BNC2: variants seen among roughly 807,000 people sequenced by gnomAD.
BNC2 encodes the protein basonuclin zinc finger protein 2, also known as zinc finger protein basonuclin-2.
Under a neutral mutation model 76.3 loss-of-function variants are expected in BNC2, and 20 were observed. The observed-to-expected ratio is 0.26, with a 90% CI of 0.18 to 0.38. BNC2 has a LOEUF of 0.38. Among genes scored for constraint, BNC2 ranks in the 10% least tolerant of loss-of-function variants. The pLI is 1.00. For missense variants in BNC2, 1,382 were observed against 1,399.8 expected (o/e 0.99, Z 0.20); for synonymous variants, 582 against 514.8 (o/e 1.13, Z -1.77).
chr9:16,636,154 G>A (rs1205610559), intron 3 of BNC2, among the ~76,000 whole-genome samples: 1 of 152,076 alleles, frequency 6.6e-6, no homozygotes, highest in Non-Finnish European at 1.5e-5. Context: ...GACACTCAAA[G>A]GCTAAAATGT....
intron 3 of BNC2, among the ~76,000 whole-genome samples, chr9:16,607,397 A>G (rs1012100484): frequency 2.0e-5 from 3 of 152,176 alleles, no homozygotes; most frequent in Admixed American, 1.3e-4. Context: ...GAAACACAGG[A>G]CCAAGTCCAC....
At chr9:16,452,242 A>C (rs1821357163) in intron 5 of BNC2, among the ~76,000 whole-genome samples, 2 of 152,146 alleles carry the variant, frequency 1.3e-5, no homozygotes, top group Admixed American at 1.3e-4. Context: ...TGCTTTTGGG[A>C]ATGAGATTAC....
intron 6 of BNC2, among the ~76,000 whole-genome samples, chr9:16,421,806 G>A (rs749920353): frequency 2.6e-5 from 4 of 152,168 alleles, no homozygotes; most frequent in South Asian, 2.1e-4. Context: ...TACGCTATGC[G>A]CTATTATTCT....
At chr9:16,439,813 G>A (rs977036563) in intron 5 of BNC2, among the ~76,000 whole-genome samples, 8 of 152,308 alleles carry the variant, frequency 5.3e-5, no homozygotes, top group South Asian at 2.1e-4. Flanking sequence ...GTGTGAGTAC[G>A]TGCATGTGGG....
At chr9:16,809,755 C>T (rs1009681276) in intron 1 of BNC2, among the ~76,000 whole-genome samples, 7 of 151,938 alleles carry the variant, frequency 4.6e-5, no homozygotes, top group African/African-American at 4.8e-5. Context: ...TCCAGCCTGG[C>T]GACAGTGCAA....
intron 1 of BNC2, among the ~76,000 whole-genome samples, chr9:16,847,342 T>C (rs1189374996): frequency 1.4e-5 from 2 of 145,636 alleles, no homozygotes; most frequent in East Asian, 4.1e-4. Context: ...CAAATTACCT[T>C]TTTTACACTT....
intron 5 of BNC2, among the ~76,000 whole-genome samples, chr9:16,535,582 GAACT>G (rs1818106611): frequency 6.6e-6 from 1 of 151,934 alleles, no homozygotes; most frequent in Non-Finnish European, 1.5e-5. Flanking sequence ...ATGTCTGCTT[GAACT>G]ACAGTGACAG....
At chr9:16,597,877 G>GGTT (rs1375504512) in intron 3 of BNC2, among the ~76,000 whole-genome samples, 2 of 151,958 alleles carry the variant, frequency 1.3e-5, no homozygotes, top group Admixed American at 1.3e-4. Context: ...TTCCGTGCCT[G>GGTT]GTTTTCGGGG....
At chr9:16,808,179 A>C (rs1422694124) in intron 1 of BNC2, among the ~76,000 whole-genome samples, 3 of 152,200 alleles carry the variant, frequency 2.0e-5, no homozygotes, top group Non-Finnish European at 4.4e-5. Context: ...TCAACCTTAA[A>C]ATTTTTTAAA....
intron 1 of BNC2, among the ~76,000 whole-genome samples, chr9:16,760,006 A>G (rs1434619953): frequency 1.3e-5 from 2 of 152,174 alleles, no homozygotes; most frequent in Non-Finnish European, 2.9e-5. Flanking sequence ...TACAGGCGTG[A>G]GCCACCGCGC....
At chr9:16,528,392 G>C (rs1236525317) in intron 5 of BNC2, among the ~76,000 whole-genome samples, 1 of 152,094 alleles carries the variant, frequency 6.6e-6, no homozygotes, top group Non-Finnish European at 1.5e-5. Context: ...TATTCTCATA[G>C]ATTTTCAACT....
At chr9:16,692,441 A>G (rs959989531) in intron 3 of BNC2, among the ~76,000 whole-genome samples, 3 of 152,256 alleles carry the variant, frequency 2.0e-5, no homozygotes, top group South Asian at 4.1e-4. Flanking sequence ...TGTTTCCTGC[A>G]CCTGTAAAAT....
At chr9:16,753,345 A>C (rs1201940369) in intron 1 of BNC2, among the ~76,000 whole-genome samples, 5 of 152,232 alleles carry the variant, frequency 3.3e-5, no homozygotes, top group Non-Finnish European at 7.3e-5. Context: ...TCATTATTAA[A>C]TAACTGTAAA....
At chr9:16,606,901 C>T (rs1042057394) in intron 3 of BNC2, among the ~76,000 whole-genome samples, 7 of 152,316 alleles carry the variant, frequency 4.6e-5, no homozygotes, top group East Asian at 3.9e-4. Context: ...TCTGCACAAG[C>T]TCCTTTGGCC....
chr9:16,615,107 T>C (rs1436102907), intron 3 of BNC2, among the ~76,000 whole-genome samples: 1 of 152,022 alleles, frequency 6.6e-6, no homozygotes, highest in African/African-American at 2.4e-5. Flanking sequence ...GGAACACTGC[T>C]TGCAAGAGTG....
Position 16,419,148 on chromosome 9 carries a change from C to T in BNC2, c.3141G>A (p.Lys1047=). The change falls in exon 7 of 7, where the codon AAG becomes AAA. Residue 1047 remains lysine, a synonymous_variant. Transcript: ENST00000380672. ...TTTTGTAGTGCACTCTCAGGGTCCC[C>T]TTGTTGCTGTACATTTTGTGGCAAA... ...CNICHKMYSN[K]GTLRVHYKTV... is the part of the protein sequence containing the mutation. The T allele has an allele frequency of 6.2e-7, 1 of 1,614,208 alleles. No homozygotes were observed. The highest frequency in any genetic ancestry group is 1.3e-5 in the African/African-American group (1 of 75,056).
At chr9:16,819,838 C>T (rs1476731594) in intron 1 of BNC2, among the ~76,000 whole-genome samples, 1 of 151,452 alleles carries the variant, frequency 6.6e-6, no homozygotes, top group Non-Finnish European at 1.5e-5. Context: ...CTAAAAATGG[C>T]AATAGGCCAG....
At chr9:16,490,286 G>C (rs1822248160) in intron 5 of BNC2, among the ~76,000 whole-genome samples, 1 of 152,124 alleles carries the variant, frequency 6.6e-6, no homozygotes, top group African/African-American at 2.4e-5. Context: ...GAGAAAATGA[G>C]GAAGAAGCAA....
At position 16,696,792 on chromosome 9, in the gene BNC2, G is replaced by A. The variant is rs556856137; in HGVS notation, c.330+31005C>T. 1.2e-4 allele frequency among the ~76,000 whole-genome samples: 19 copies of A among 152,250 alleles called. No homozygotes were observed. In the East Asian group the frequency reaches 3.7e-3, roughly 29 times the overall value. Reference sequence around the variant, plus strand: ...GCAGATCCTCAACAAATACCCGTAAGGCAAGTAGAGGCCAATAATTCCTGT... The same window carrying A: ...GCAGATCCTCAACAAATACCCGTAAAGCAAGTAGAGGCCAATAATTCCTGT... On this transcript the variant is annotated intron_variant, in intron 3 of 6. Coordinates refer to ENST00000380672, the MANE Select transcript of BNC2 (RefSeq NM_017637.6).
Sources: allele counts gnomAD v4.1 joint callset (sites outside exome capture counted in the v4.1 genomes callset), GRCh38; gene constraint gnomAD v4.1.1; transcripts MANE v1.5; gene names NCBI Gene and HGNC (gene_info 2026-07-23, HGNC 2026-07-21).